The following CAMK1D variants were observed in gnomAD, a reference collection of about 807,000 sequenced individuals.
The protein encoded by CAMK1D is calcium/calmodulin dependent protein kinase ID.
In CAMK1D, 9 loss-of-function variants were observed where a neutral mutation model predicts 47.7. That is an observed-to-expected ratio of 0.19 (90% CI 0.11 to 0.33). The LOEUF is 0.33. Among genes scored for constraint, CAMK1D ranks in the 10% least tolerant of loss-of-function variants. The probability of loss-of-function intolerance (pLI) is 1.00; values close to 1 mark genes in which losing one functional copy is unlikely to be tolerated. For synonymous variants in CAMK1D, 184 were observed against 184.9 expected (o/e 0.99, Z 0.04); for missense variants, 291 against 488.7 (o/e 0.60, Z 3.81).
At chr10:12,519,054 G>A (rs1835302713) in intron 1 of CAMK1D, among the ~76,000 whole-genome samples, 1 of 106,622 alleles carries the variant, frequency 9.4e-6, no homozygotes, top group African/African-American at 3.5e-5. Context: ...TCACTTCCCA[G>A]TAGGGGTGGC....
At chr10:12,613,335 C>G (rs10795970) in intron 2 of CAMK1D, among the ~76,000 whole-genome samples, 12,843 of 152,212 alleles carry the variant, frequency 0.084, 1,275 homozygotes, top group African/African-American at 0.23. Context: ...AATATCACAG[C>G]CTGTGGCATT....
intron 1 of CAMK1D, among the ~76,000 whole-genome samples, chr10:12,410,787 C>T (rs554904815): frequency 2.0e-5 from 3 of 152,234 alleles, no homozygotes; most frequent in East Asian, 1.9e-4. Context: ...ATCTTAGGTG[C>T]GACCTGAGCT....
At chr10:12,714,761 TACACACAC>T (rs55827922) in intron 3 of CAMK1D, among the ~76,000 whole-genome samples, 3,163 of 130,558 alleles carry the variant, frequency 0.024, 81 homozygotes, top group African/African-American at 0.073. Context: ...TACATTAAAT[TACACACAC>T]ACACACACAC....
In CAMK1D at chr10:12,833,555, A is replaced by C. The variant is rs1020707142; in HGVS notation, c.*4668A>C. The C allele has an allele frequency of 6.6e-6, 1 of 152,226 alleles. No homozygotes were observed. The highest frequency in any genetic ancestry group is 1.5e-5 in the Non-Finnish European group (1 of 68,044). 9.4% of individuals were successfully genotyped at this position (152,226 alleles called of 1,614,324 possible). ...CTTCGCGTTGGGGAGGCCACGCTGGAACCATTGCTCTAGGGCTGAAGGTGG... is the reference window on the plus strand; with the variant it reads ...CTTCGCGTTGGGGAGGCCACGCTGGCACCATTGCTCTAGGGCTGAAGGTGG... On this transcript the variant is annotated 3_prime_UTR_variant, in exon 11 of 11. Transcript: ENST00000619168.
intron 2 of CAMK1D, among the ~76,000 whole-genome samples, chr10:12,558,246 G>T (rs548756596): frequency 2.6e-5 from 4 of 152,276 alleles, no homozygotes; most frequent in African/African-American, 7.2e-5. Context: ...TCGAGGGCAG[G>T]CACTGCTGAC....
chr10:12,599,477 G>A (rs756808075), intron 2 of CAMK1D, among the ~76,000 whole-genome samples: 1 of 152,206 alleles, frequency 6.6e-6, no homozygotes, highest in Non-Finnish European at 1.5e-5. Flanking sequence ...GCAGTGCACT[G>A]CCTCAAAGGA....
chr10:12,703,973 A>G (rs1564506128), intron 3 of CAMK1D, among the ~76,000 whole-genome samples: 1 of 152,222 alleles, frequency 6.6e-6, no homozygotes, highest in Non-Finnish European at 1.5e-5. Context: ...CCATAGATGA[A>G]TCATGCAGGG....
intron 1 of CAMK1D, among the ~76,000 whole-genome samples, chr10:12,493,155 C>T (rs1328027654): frequency 6.6e-6 from 1 of 152,198 alleles, no homozygotes; most frequent in Non-Finnish European, 1.5e-5. Flanking sequence ...TCTGCGGTCA[C>T]CAGTCTGTCC....
At chr10:12,389,210 C>G (rs11257760) in intron 1 of CAMK1D, among the ~76,000 whole-genome samples, 20,639 of 152,084 alleles carry the variant, frequency 0.14, 1,655 homozygotes, top group South Asian at 0.2. Context: ...TGGTCAGTTA[C>G]TGCTTAAACT....
intron 1 of CAMK1D, among the ~76,000 whole-genome samples, chr10:12,402,762 G>A (rs1049539788): frequency 6.6e-6 from 1 of 152,026 alleles, no homozygotes; most frequent in African/African-American, 2.4e-5. Context: ...ACTTCATTGG[G>A]ATCATTTTGG....
chr10:12,368,550 C>A (rs536645949), intron 1 of CAMK1D, among the ~76,000 whole-genome samples: 1 of 152,106 alleles, frequency 6.6e-6, no homozygotes, highest in Non-Finnish European at 1.5e-5. Context: ...TTCTGAGTTT[C>A]TCTTCTCTCA....
chr10:12,491,074 T>C (rs1834368794), intron 1 of CAMK1D, among the ~76,000 whole-genome samples: 1 of 152,220 alleles, frequency 6.6e-6, no homozygotes, highest in South Asian at 2.1e-4. Context: ...GAAATGCTGA[T>C]TTCTGTGTTT....
intron 1 of CAMK1D, among the ~76,000 whole-genome samples, chr10:12,454,546 T>G (rs1042388599): frequency 7.9e-5 from 12 of 151,990 alleles, no homozygotes; most frequent in African/African-American, 2.9e-4. Context: ...CAATGCAGCC[T>G]CAAATTCCTG....
At chr10:12,585,461 G>A (rs945599182) in intron 2 of CAMK1D, among the ~76,000 whole-genome samples, 6 of 152,160 alleles carry the variant, frequency 3.9e-5, no homozygotes, top group African/African-American at 7.2e-5. Context: ...GTATTTGTCC[G>A]TTTTCACGCT....
rs189564487 is a variant in CAMK1D, at chr10:12,796,405, G to A, written c.641+5172G>A. 3.9e-5 allele frequency among the ~76,000 whole-genome samples: 6 copies of A among 152,258 alleles called. No homozygotes were observed. The East Asian group carries it at 9.6e-4, about 24-fold the overall frequency. Reference sequence around the variant, plus strand: ...TTTAAAATTTACTCACATAAATGTCGATTTGCCTGTGCATGCAGCTGAATT... The same window carrying A: ...TTTAAAATTTACTCACATAAATGTCAATTTGCCTGTGCATGCAGCTGAATT... On this transcript the variant is annotated intron_variant, in intron 6 of 10. Transcript: ENST00000619168.
At chr10:12,420,603 A>G (rs61847407) in intron 1 of CAMK1D, among the ~76,000 whole-genome samples, 26,512 of 151,818 alleles carry the variant, frequency 0.17, 2,324 homozygotes, top group Middle Eastern at 0.24. Context: ...TGTGCCCCCA[A>G]ACTACTTAGG....
intron 1 of CAMK1D, among the ~76,000 whole-genome samples, chr10:12,484,828 G>A (rs894583677): frequency 1.3e-4 from 20 of 152,102 alleles, no homozygotes; most frequent in Admixed American, 2.6e-4. Flanking sequence ...GTGACTCTGG[G>A]GGGGAGGGGG....
intron 2 of CAMK1D, among the ~76,000 whole-genome samples, chr10:12,591,252 A>G (rs754077561): frequency 3.9e-5 from 6 of 152,152 alleles, no homozygotes; most frequent in Non-Finnish European, 5.9e-5. Flanking sequence ...CAGGAAACCA[A>G]CCAATAACCC....
intron 6 of CAMK1D, among the ~76,000 whole-genome samples, chr10:12,801,661 C>G (rs1838489107): frequency 6.6e-6 from 1 of 152,182 alleles, no homozygotes; most frequent in Non-Finnish European, 1.5e-5. Flanking sequence ...ATCTGTCTAT[C>G]TTCATATCTA....
Sources: gnomAD v4.1 joint callset for allele counts (sites outside exome capture counted in the v4.1 genomes callset) on GRCh38, gnomAD v4.1.1 for gene constraint, MANE v1.5 for transcripts, NCBI Gene and HGNC (gene_info 2026-07-23, HGNC 2026-07-21) for gene names.